TMEM135: variants seen among roughly 807,000 people sequenced by gnomAD.
TMEM135 encodes peroxisomal membrane protein 52.
In TMEM135, 30 loss-of-function variants were observed where a neutral mutation model predicts 60.3. The ratio of observed to expected loss-of-function variants is 0.50; its 90% CI spans 0.37 to 0.68. The LOEUF (loss-of-function observed/expected upper bound fraction) is 0.68. Among genes scored for constraint, TMEM135 ranks in the 30% least tolerant of loss-of-function variants. The pLI is 0.00. For missense variants in TMEM135, 468 were observed against 548.8 expected, an observed-to-expected ratio of 0.85 and a Z score of 1.47; for synonymous variants, 190 against 186.7, an observed-to-expected ratio of 1.02 and a Z score of -0.14.
intron 4 of TMEM135, among the ~76,000 whole-genome samples, chr11:87,106,077 A>AT (rs766360413): frequency 6.6e-6 from 1 of 150,462 alleles, no homozygotes; most frequent in African/African-American, 2.4e-5. Flanking sequence ...CTCCAGTTCC[A>AT]TCTGTGTTGC....
At chr11:87,267,689 T>A (rs1322362786) in intron 6 of TMEM135, among the ~76,000 whole-genome samples, 1 of 149,142 alleles carries the variant, frequency 6.7e-6, no homozygotes, top group African/African-American at 2.5e-5. Context: ...AAACTAAATG[T>A]CATGATCAGT....
rs542270823 is a variant in TMEM135, at chr11:87,124,936, AATACTAATTTTGTTTCCTT to A, written c.397-32404_397-32386del. 1.2e-3 allele frequency among the ~76,000 whole-genome samples: 179 copies of A among 152,246 alleles called. 1 individual carries two copies. The highest frequency in any genetic ancestry group is 4.0e-3 in the African/African-American group (166 of 41,558). ...TGAAACAGAAAATGCTGTTAGGGTA[AATACTAATTTTGTTTCCTT>A]GCTTTAGTTGCTACTTCTCTTACTT... On this transcript the variant is annotated intron_variant, in intron 4 of 14. Transcript: ENST00000305494.
At chr11:87,064,107 C>G (rs1052079147) in intron 1 of TMEM135, among the ~76,000 whole-genome samples, 1 of 152,104 alleles carries the variant, frequency 6.6e-6, no homozygotes, top group Non-Finnish European at 1.5e-5. Context: ...AATCCTAAAG[C>G]TGTGTGAGAA....
chr11:87,292,544 T>G (rs879765964), intron 6 of TMEM135, among the ~76,000 whole-genome samples: 23 of 152,342 alleles, frequency 1.5e-4, no homozygotes, highest in Non-Finnish European at 2.9e-4. Context: ...TAAATCTTTA[T>G]ATTGTATTTT....
At chr11:87,267,608 A>G (rs150893913) in intron 6 of TMEM135, among the ~76,000 whole-genome samples, 1 of 152,320 alleles carries the variant, frequency 6.6e-6, no homozygotes, top group African/African-American at 2.4e-5. Flanking sequence ...GTTTTTTGTG[A>G]TACACTATAT....
chr11:87,073,656 T>C (rs1425404261), intron 3 of TMEM135, among the ~76,000 whole-genome samples: 1 of 152,148 alleles, frequency 6.6e-6, no homozygotes, highest in Non-Finnish European at 1.5e-5. Context: ...AATCTATTTG[T>C]AGGATTGTTT....
chr11:87,161,848 T>C (rs1938889022), intron 5 of TMEM135, among the ~76,000 whole-genome samples: 1 of 152,208 alleles, frequency 6.6e-6, no homozygotes, highest in South Asian at 2.1e-4. Context: ...GAGAGATTCA[T>C]GAATGGAAAG....
chr11:87,294,847 T>C (rs1183922782), intron 6 of TMEM135, among the ~76,000 whole-genome samples: 1 of 151,576 alleles, frequency 6.6e-6, no homozygotes, highest in Non-Finnish European at 1.5e-5. Flanking sequence ...GGCATAGTAA[T>C]GTCCCCATTT....
intron 6 of TMEM135, chr11:87,259,195 T>G: frequency 1.9e-6 from 1 of 529,234 alleles, no homozygotes. Context: ...TCCTCCTTAG[T>G]CTTCTCCACG....
intron 4 of TMEM135, chr11:87,095,179 C>T: frequency 5.6e-6 from 1 of 179,988 alleles, no homozygotes; most frequent in Admixed American, 5.5e-5. Context: ...CTTCATAATG[C>T]TCCATGGATG....
chr11:87,153,012 C>T (rs1169660109), intron 4 of TMEM135, among the ~76,000 whole-genome samples: 1 of 152,074 alleles, frequency 6.6e-6, no homozygotes, highest in Non-Finnish European at 1.5e-5. Flanking sequence ...TCCAGTTCTC[C>T]ACCTCTTGTA....
At chr11:87,292,109 C>G (rs1942276181) in intron 6 of TMEM135, among the ~76,000 whole-genome samples, 1 of 152,186 alleles carries the variant, frequency 6.6e-6, no homozygotes, top group African/African-American at 2.4e-5. Flanking sequence ...GCTCTCCCCT[C>G]TACTCACTAG....
intron 1 of TMEM135, among the ~76,000 whole-genome samples, chr11:87,059,527 G>A (rs1372513646): frequency 6.6e-6 from 1 of 151,922 alleles, no homozygotes; most frequent in African/African-American, 2.4e-5. Context: ...TGTTGGCTGA[G>A]CTGGTCTCGA....
chr11:87,325,547 C>T lies in TMEM135; in HGVS notation c.*4214C>T, dbSNP rs1247882865. 3 of 453,966 alleles carry T rather than the reference C, an allele frequency of 6.6e-6. No individual in the cohort carries two copies. Among genetic ancestry groups the T allele is most frequent in the Non-Finnish European group, 1.3e-5 (3 of 226,748 alleles). The allele number at this position is 453,966 out of a possible 1,614,324, so 28.1% of individuals were successfully genotyped here. A position where few individuals can be genotyped will look rare whatever the true frequency, so the allele number is the denominator to read the frequency against. ...CTGTCTCTCTTGCTGCTCCCTCTCC[C>T]TGCCACCTTGTCCATTCTCTGCTTG... On this transcript the variant is annotated 3_prime_UTR_variant, in exon 15 of 15. Coordinates refer to ENST00000305494, the MANE Select transcript of TMEM135 (RefSeq NM_022918.4).
In TMEM135 at chr11:87,146,140, G is replaced by A. The variant is rs138065335; in HGVS notation, c.397-11201G>A. 8.5e-5 allele frequency among the ~76,000 whole-genome samples: 13 copies of A among 152,180 alleles called. No homozygotes were observed. In the East Asian group the frequency reaches 1.7e-3, roughly 20 times the overall value. On this transcript the variant is annotated intron_variant, in intron 4 of 14. Coordinates refer to ENST00000305494, the MANE Select transcript of TMEM135 (RefSeq NM_022918.4). ...GACAAGGCTCTAATTTCCTTCTCCC[G>A]TATGTGAAAATCCAGTTTTGACAGC...
intron 5 of TMEM135, among the ~76,000 whole-genome samples, chr11:87,192,733 G>A (rs117519984): frequency 0.021 from 3,172 of 152,204 alleles, 35 homozygotes; most frequent in South Asian, 0.032. Context: ...ATAAAGGCTG[G>A]TACAAATTCA....
At chr11:87,247,331 G>T (rs973697950) in intron 6 of TMEM135, among the ~76,000 whole-genome samples, 1 of 152,238 alleles carries the variant, frequency 6.6e-6, no homozygotes, top group Non-Finnish European at 1.5e-5. Flanking sequence ...GAGGCAGTCT[G>T]CCCGTTCTCA....
At chr11:87,262,058 T>C (rs1284900800) in intron 6 of TMEM135, among the ~76,000 whole-genome samples, 3 of 152,332 alleles carry the variant, frequency 2.0e-5, no homozygotes, top group Non-Finnish European at 2.9e-5. Flanking sequence ...TCAGTACATA[T>C]CCTCATTGTT....
intron 4 of TMEM135, among the ~76,000 whole-genome samples, chr11:87,143,463 T>C (rs609819): frequency 2.0e-5 from 3 of 151,476 alleles, no homozygotes; most frequent in South Asian, 4.2e-4. Flanking sequence ...GACATTTTAT[T>C]CTATATATTT....
Sources: gnomAD v4.1 joint callset for allele counts (sites outside exome capture counted in the v4.1 genomes callset) on GRCh38, gnomAD v4.1.1 for gene constraint, MANE v1.5 for transcripts, NCBI Gene and HGNC (gene_info 2026-07-23, HGNC 2026-07-21) for gene names.